Variants in N4BP2L2 observed in about 807,000 individuals in gnomAD.
The protein encoded by N4BP2L2 is NEDD4 binding protein 2 like 2.
A neutral mutation model predicts 56.2 loss-of-function variants in N4BP2L2; 50 were observed. The ratio of observed to expected loss-of-function variants is 0.89; its 90% CI spans 0.71 to 1.13. N4BP2L2 has a LOEUF of 1.13. Ranked by LOEUF, N4BP2L2 falls within the 50% of genes most tolerant of loss-of-function variation. N4BP2L2 has a pLI of 0.00. For synonymous variants in N4BP2L2, 203 were observed against 223.6 expected (o/e 0.91, Z 0.82); for missense variants, 689 against 693.8 (o/e 0.99, Z 0.08).
intron 6 of N4BP2L2, chr13:32,504,951 T>A (rs1252298671): frequency 6.6e-6 from 1 of 152,210 alleles, no homozygotes; most frequent in African/African-American, 2.4e-5. Flanking sequence ...TCCCATTAGA[T>A]TTTAAGGCTC....
chr13:32,511,195 T>C (rs375439324), exon 6 of N4BP2L2: 5 of 152,304 alleles, frequency 3.3e-5, no homozygotes, highest in African/African-American at 9.6e-5. Context: ...CTAGCACTGA[T>C]GGGCATTAAA....
At chr13:32,471,512 GAAGA>G (rs1011692433) in intron 6 of N4BP2L2, among the ~76,000 whole-genome samples, 1 of 152,236 alleles carries the variant, frequency 6.6e-6, no homozygotes, top group Non-Finnish European at 1.5e-5. Flanking sequence ...GGGCGCACCC[GAAGA>G]AAGACAGAGA....
chr13:32,452,836 G>C (rs943060363), intron 6 of N4BP2L2, among the ~76,000 whole-genome samples: 5 of 152,098 alleles, frequency 3.3e-5, no homozygotes, highest in African/African-American at 1.2e-4. Flanking sequence ...TCAGAAACAA[G>C]ACAAGAATGC....
intron 6 of N4BP2L2, chr13:32,490,243 G>A (rs1355910530): frequency 6.6e-6 from 1 of 152,154 alleles, no homozygotes; most frequent in African/African-American, 2.4e-5. Flanking sequence ...CATAGTAGGT[G>A]CCGTTGAATG....
At chr13:32,490,736 A>G (rs889064344) in intron 6 of N4BP2L2, among the ~76,000 whole-genome samples, 1 of 152,190 alleles carries the variant, frequency 6.6e-6, no homozygotes, top group African/African-American at 2.4e-5. Context: ...TAAGGAGTGC[A>G]GCAACCTAGA....
intron 6 of N4BP2L2, among the ~76,000 whole-genome samples, chr13:32,495,461 C>G (rs2139430582): frequency 6.6e-6 from 1 of 152,286 alleles, no homozygotes; most frequent in South Asian, 2.1e-4. Context: ...TGGACAATGC[C>G]TTTGGATTCT....
intron 6 of N4BP2L2, among the ~76,000 whole-genome samples, chr13:32,460,610 C>T (rs777550803): frequency 6.6e-6 from 1 of 151,992 alleles, no homozygotes; most frequent in Non-Finnish European, 1.5e-5. Flanking sequence ...AAAGGCATAC[C>T]ATGCTCATGG....
chr13:32,503,773 C>T (rs906762484), intron 6 of N4BP2L2, among the ~76,000 whole-genome samples: 10 of 152,202 alleles, frequency 6.6e-5, no homozygotes, highest in Admixed American at 2.0e-4. Flanking sequence ...TGGCCACGTA[C>T]AGTGGCTCAT....
chr13:32,537,267 T>A (rs1263568362), intron 1 of N4BP2L2, among the ~76,000 whole-genome samples: 33 of 151,794 alleles, frequency 2.2e-4, no homozygotes, highest in Admixed American at 2.2e-3. Context: ...TATATGTATA[T>A]ATACATATAT....
chr13:32,480,629 C>T, intron 6 of N4BP2L2: 2 of 1,287,718 alleles, frequency 1.6e-6, no homozygotes, highest in South Asian at 1.2e-5. Flanking sequence ...GATATTTCTT[C>T]AGTCACACCT....
chr13:32,456,865 G>T (rs1315067118), intron 6 of N4BP2L2, among the ~76,000 whole-genome samples: 2 of 152,204 alleles, frequency 1.3e-5, no homozygotes, highest in Non-Finnish European at 1.5e-5. Context: ...GCTGGGTGTG[G>T]TGGCTCATGC....
At chr13:32,492,980 T>A (rs1226839909) in intron 6 of N4BP2L2, among the ~76,000 whole-genome samples, 1 of 147,638 alleles carries the variant, frequency 6.8e-6, no homozygotes, top group Non-Finnish European at 1.5e-5. Context: ...TGCAGTGCTG[T>A]GGTACGATCT....
exon 6 of N4BP2L2, chr13:32,511,362 C>A (rs1349808085): frequency 6.6e-6 from 1 of 152,136 alleles, no homozygotes; most frequent in Non-Finnish European, 1.5e-5. Flanking sequence ...TTAAGGGCAA[C>A]CAGCAACCAT....
At chr13:32,511,308 A>T (rs1406567505) in exon 6 of N4BP2L2, 4 of 152,218 alleles carry the variant, frequency 2.6e-5, no homozygotes, top group African/African-American at 9.7e-5. Flanking sequence ...ACTTGTAAAA[A>T]TTTAACTCAA....
At chr13:32,443,499 T>A in exon 7 of N4BP2L2, 1 of 1,611,960 alleles carries the variant, frequency 6.2e-7, no homozygotes, top group Non-Finnish European at 8.5e-7. Flanking sequence ...AAACTTTATC[T>A]GACATTCTGA....
chr13:32,437,687 C>A (rs2761365), intron 8 of N4BP2L2, among the ~76,000 whole-genome samples: 111,165 of 152,122 alleles, frequency 0.73, 41,660 homozygotes, highest in African/African-American at 0.89. Flanking sequence ...AGTAACTACA[C>A]ATCTAATTTG....
intron 6 of N4BP2L2, among the ~76,000 whole-genome samples, chr13:32,491,779 G>A (rs566370219): frequency 1.2e-4 from 18 of 151,218 alleles, no homozygotes; most frequent in African/African-American, 4.4e-4. Context: ...CTATAGGCAC[G>A]TGCCACCACG....
chr13:32,494,950 A>G (rs967784641), intron 6 of N4BP2L2, among the ~76,000 whole-genome samples: 3 of 152,176 alleles, frequency 2.0e-5, no homozygotes, highest in African/African-American at 7.2e-5. Context: ...TAAAACTGGC[A>G]GACATAGAAA....
At chr13:32,434,248 C>T (rs540831289) in intron 9 of N4BP2L2, among the ~76,000 whole-genome samples, 67 of 111,940 alleles carry the variant, frequency 6.0e-4, no homozygotes, top group Admixed American at 2.1e-3. Flanking sequence ...AGCTAATTTT[C>T]TTTTTTTCTT....
Sources: allele counts gnomAD v4.1 joint callset (sites outside exome capture counted in the v4.1 genomes callset), GRCh38; gene constraint gnomAD v4.1.1; transcripts MANE v1.5; gene names NCBI Gene and HGNC (gene_info 2026-07-23, HGNC 2026-07-21).